Variants in XDH observed in about 807,000 individuals in gnomAD.
XDH encodes xanthine dehydrogenase/oxidase.
XDH carries 138 observed loss-of-function variants against 156.1 expected under a neutral mutation model. That is an observed-to-expected ratio of 0.88 (90% CI 0.77 to 1.02). The LOEUF (loss-of-function observed/expected upper bound fraction) is 1.02, where lower values mean the gene tolerates loss of function less well. Ranked by LOEUF, XDH falls within the 50% of genes least tolerant of loss-of-function variation. The pLI is 0.00. For missense variants in XDH, 1,849 were observed against 1,684.9 expected (o/e 1.10, Z -1.71); for synonymous variants, 669 against 625.7 (o/e 1.07, Z -1.03).
In XDH at chr2:31,412,596, C is replaced by T. The variant is rs572253361; in HGVS notation, c.42+2029G>A. On this transcript the variant is annotated intron_variant, in intron 1 of 35. Transcript: ENST00000379416. ...TGTGTACATATGTAACAAGCCTGCACGTTGTCCACATGTACCCTAGAACTT... is the reference window on the plus strand; with the variant it reads ...TGTGTACATATGTAACAAGCCTGCATGTTGTCCACATGTACCCTAGAACTT... Among the ~76,000 whole-genome samples the T allele has an allele frequency of 1.4e-3, 219 of 152,090 alleles. 2 individuals are homozygous for T. Among genetic ancestry groups the T allele is most frequent in the African/African-American group, 4.1e-3 (169 of 41,446 alleles).
chr2:31,378,122 G>A (rs1323196150), intron 13 of XDH, among the ~76,000 whole-genome samples: 556 of 46,776 alleles, frequency 0.012, 39 homozygotes, highest in African/African-American at 0.042. Flanking sequence ...AAGGAAGGAA[G>A]GAAGGAAGGA....
Position 31,343,285 on chromosome 2 carries a change from CATATATATATATATATATATATAT to C in XDH, c.3405-1012_3405-989del, listed in dbSNP as rs60481824. On this transcript the variant is annotated intron_variant, in intron 31 of 35. Transcript: ENST00000379416. ...AAGCATTGGCAAAACATTTCTTCAC[CATATATATATATATATATATATAT>C]ATATATATATATATATATGCATGTT... is the stretch of plus-strand genomic sequence containing the variant. 3.5e-4 allele frequency among the ~76,000 whole-genome samples: 24 copies of C among 68,344 alleles called. 1 individual carries two copies. The highest frequency in any genetic ancestry group is 1.2e-3 in the Admixed American group (9 of 7,250). 44.8% of individuals were successfully genotyped at this position (68,344 alleles called of 152,430 possible).
chr2:31,365,935 C>T lies in XDH; in HGVS notation c.2456+41G>A, dbSNP rs1167380896. 1.9e-6 allele frequency: 3 copies of T among 1,613,890 alleles called. No homozygotes were observed. The African/African-American group carries it at 4.0e-5, about 22-fold the overall frequency. On this transcript the variant is annotated intron_variant, in intron 22 of 35. Transcript: ENST00000379416. ...TCCTGGCACAGACAGCCTTATTCTT[C>T]TTCCCAGAGCCAGATGGGAGAAACA... is the stretch of plus-strand genomic sequence containing the variant.
At chr2:31,404,651 G>A (rs1193129185) in intron 2 of XDH, among the ~76,000 whole-genome samples, 1 of 152,166 alleles carries the variant, frequency 6.6e-6, no homozygotes, top group Non-Finnish European at 1.5e-5. Context: ...AATAATCTCT[G>A]AGAATGAGCT....
chr2:31,379,870 C>T lies in XDH; in HGVS notation c.1239G>A (p.Arg413=). Residue 413 remains arginine (R), a synonymous_variant, in exon 13 of 36, where the codon AGG becomes AGA. Coordinates refer to ENST00000379416, the MANE Select transcript of XDH (RefSeq NM_000379.4). The part of the protein sequence containing the change: ...ILLSIEIPYS[R]EGEYFSAFKQ... Reference sequence around the variant, plus strand: ...GGAACCACTTCCAACATCTCACCTCCCTGCTGTAGGGGATCTCTATGGAGA... The same window carrying T: ...GGAACCACTTCCAACATCTCACCTCTCTGCTGTAGGGGATCTCTATGGAGA... The T allele has an allele frequency of 3.1e-6, 5 of 1,614,112 alleles. No individual in the cohort carries two copies. The highest frequency in any genetic ancestry group is 4.2e-6 in the Non-Finnish European group (5 of 1,179,968).
At chr2:31,412,317 G>A (rs994725995) in intron 1 of XDH, among the ~76,000 whole-genome samples, 2 of 152,088 alleles carry the variant, frequency 1.3e-5, no homozygotes, top group African/African-American at 2.4e-5. Flanking sequence ...CCTTCTGCAG[G>A]ACCCCATTTA....
At chr2:31,348,469 T>C in intron 27 of XDH, 106 bp from the exon 28 acceptor site, 1 of 1,091,438 alleles carries the variant, frequency 9.2e-7, no homozygotes, top group Non-Finnish European at 1.4e-6. Flanking sequence ...AGCAGCATTT[T>C]GGATGTAAAC....
chr2:31,347,448 C>A, intron 29 of XDH, 74 bp downstream of exon 29: 1 of 1,606,390 alleles, frequency 6.2e-7, no homozygotes, highest in Non-Finnish European at 8.5e-7. Context: ...CTTCTAGCTC[C>A]CACCCAGGGA....
intron 30 of XDH, among the ~76,000 whole-genome samples, chr2:31,345,537 G>A (rs1192289402): frequency 6.6e-6 from 1 of 152,142 alleles, no homozygotes; most frequent in Non-Finnish European, 1.5e-5. Context: ...GCGCTATTTA[G>A]CACTTTGCAT....
intron 35 of XDH, among the ~76,000 whole-genome samples, chr2:31,337,334 G>A (rs1056596569): frequency 1.3e-5 from 2 of 152,060 alleles, no homozygotes; most frequent in Admixed American, 1.3e-4. Context: ...GCTCTCTGGA[G>A]TTTCATCCAT....
intron 2 of XDH, among the ~76,000 whole-genome samples, chr2:31,403,619 C>T (rs961207581): frequency 6.6e-6 from 1 of 152,128 alleles, no homozygotes; most frequent in African/African-American, 2.4e-5. Flanking sequence ...ACTTTTTGGG[C>T]TGATAAGTCC....
chr2:31,403,712 G>T (rs533231361), intron 2 of XDH, among the ~76,000 whole-genome samples: 20 of 152,200 alleles, frequency 1.3e-4, no homozygotes, highest in Non-Finnish European at 2.2e-4. Flanking sequence ...AAATAGAGTG[G>T]TTTTTTTAGG....
rs536989895 is a variant in XDH, at chr2:31,375,588, G to A, written c.1428-34C>T. 52 of 1,606,274 alleles carry A rather than the reference G, an allele frequency of 3.2e-5. No homozygotes were observed. The East Asian group carries it at 4.7e-4, about 15-fold the overall frequency. On this transcript the variant is annotated intron_variant, in intron 14 of 35. Transcript: ENST00000379416. ...GAGCAGGGCGTGGGACAGCGCTCCCGCCCAGCCCTCCAGACCCCTTTGTGT... is the reference window on the plus strand; with the variant it reads ...GAGCAGGGCGTGGGACAGCGCTCCCACCCAGCCCTCCAGACCCCTTTGTGT...
intron 1 of XDH, among the ~76,000 whole-genome samples, chr2:31,413,604 A>G (rs923174002): frequency 6.6e-6 from 1 of 152,232 alleles, no homozygotes. Context: ...GTTCTTGAAA[A>G]TTATACCAAA....
At chr2:31,369,350 T>C (rs552952699) in intron 18 of XDH, among the ~76,000 whole-genome samples, 1 of 152,334 alleles carries the variant, frequency 6.6e-6, no homozygotes, top group Non-Finnish European at 1.5e-5. Flanking sequence ...TAATGATTGT[T>C]GTTTTATTTT....
chr2:31,341,380 A>G lies in XDH; in HGVS notation c.3534T>C (p.Asp1178=), dbSNP rs1407589389. Residue 1178 remains aspartate, a synonymous_variant, in exon 33 of 36, where the codon GAT becomes GAC. Coordinates refer to ENST00000379416, the MANE Select transcript of XDH (RefSeq NM_000379.4). The part of the protein sequence containing the change: ...LTGDHKNLRT[D]IVMDVGSSLN... ...GACTGGAGCCAACATCCATGACAAT[A>G]TCTGTGCGGAGGTTCTAGAGTAGAC... The G allele has an allele frequency of 6.3e-7, 1 of 1,578,980 alleles. No individual in the cohort carries two copies. Among genetic ancestry groups the G allele is most frequent in the Non-Finnish European group, 8.6e-7 (1 of 1,159,556 alleles).
chr2:31,350,675 A>G (rs891701638), intron 24 of XDH, among the ~76,000 whole-genome samples: 1 of 152,164 alleles, frequency 6.6e-6, no homozygotes, highest in African/African-American at 2.4e-5. Flanking sequence ...CTGCGGCAGC[A>G]TCTTTACTGC....
chr2:31,360,126 T>A (rs1685738363), intron 24 of XDH, among the ~76,000 whole-genome samples: 1 of 152,228 alleles, frequency 6.6e-6, no homozygotes, highest in Non-Finnish European at 1.5e-5. Flanking sequence ...AATTTCACTT[T>A]CCGTAGTTTG....
At chr2:31,395,370 C>A (rs1187085036) in intron 6 of XDH, among the ~76,000 whole-genome samples, 1 of 152,080 alleles carries the variant, frequency 6.6e-6, no homozygotes, top group African/African-American at 2.4e-5. Flanking sequence ...TGCGTATTTC[C>A]CCTCCCCAAG....
Sources: allele counts gnomAD v4.1 joint callset (sites outside exome capture counted in the v4.1 genomes callset), GRCh38; gene constraint gnomAD v4.1.1; transcripts MANE v1.5; gene names NCBI Gene and HGNC (gene_info 2026-07-23, HGNC 2026-07-21).